Variants in DLG2 observed in about 807,000 individuals in gnomAD.
DLG2 encodes discs large MAGUK scaffold protein 2.
DLG2 carries 45 observed loss-of-function variants against 132.5 expected under a neutral mutation model. The ratio of observed to expected loss-of-function variants is 0.34; its 90% CI spans 0.27 to 0.44. DLG2 has a LOEUF of 0.44. Ranked by LOEUF, DLG2 falls within the 20% of genes least tolerant of loss-of-function variation. The probability of loss-of-function intolerance (pLI) is 1.00; values close to 1 mark genes in which losing one functional copy is unlikely to be tolerated. For missense variants in DLG2, 1,045 were observed against 1,196.9 expected, an observed-to-expected ratio of 0.87 and a Z score of 1.87; for synonymous variants, 424 against 419.6, an observed-to-expected ratio of 1.01 and a Z score of -0.13.
intron 6 of DLG2, among the ~76,000 whole-genome samples, chr11:84,738,700 C>A (rs1056560110): frequency 8.5e-5 from 13 of 152,186 alleles, no homozygotes; most frequent in African/African-American, 2.9e-4. Flanking sequence ...ATGGTCCAAC[C>A]ACTTTGGAAA....
At chr11:84,988,783 G>A (rs2056782397) in intron 6 of DLG2, among the ~76,000 whole-genome samples, 1 of 152,106 alleles carries the variant, frequency 6.6e-6, no homozygotes, top group South Asian at 2.1e-4. Context: ...ATACTTCTCA[G>A]GTGATGGGTG....
chr11:85,535,023 T>C (rs951910566), intron 3 of DLG2, among the ~76,000 whole-genome samples: 1 of 152,232 alleles, frequency 6.6e-6, no homozygotes, highest in African/African-American at 2.4e-5. Context: ...CTTTTTAATA[T>C]AGTCATTCTG....
At chr11:85,092,628 A>G (rs1307891505) in intron 6 of DLG2, among the ~76,000 whole-genome samples, 1 of 149,728 alleles carries the variant, frequency 6.7e-6, no homozygotes, top group Non-Finnish European at 1.5e-5. Flanking sequence ...GTATATATTT[A>G]TTGAGTACAC....
At chr11:83,766,154 C>T (rs1435712634) in intron 18 of DLG2, among the ~76,000 whole-genome samples, 3 of 148,762 alleles carry the variant, frequency 2.0e-5, no homozygotes, top group Non-Finnish European at 3.0e-5. Context: ...AGTGCAGTGA[C>T]GTGATCTCGG....
intron 8 of DLG2, among the ~76,000 whole-genome samples, chr11:84,222,660 C>T (rs528912663): frequency 6.6e-6 from 1 of 152,256 alleles, no homozygotes; most frequent in African/African-American, 2.4e-5. Flanking sequence ...GCCTGAGAAC[C>T]TGAGGCTCAC....
intron 15 of DLG2, among the ~76,000 whole-genome samples, chr11:83,908,140 T>C (rs2075367604): frequency 6.6e-6 from 1 of 152,220 alleles, no homozygotes; most frequent in South Asian, 2.1e-4. Context: ...GTCTAGAGTA[T>C]GTATCCCCTG....
chr11:84,463,251 A>G (rs1364162417), intron 7 of DLG2, among the ~76,000 whole-genome samples: 2 of 151,178 alleles, frequency 1.3e-5, no homozygotes, highest in Non-Finnish European at 3.0e-5. Context: ...TGTTTACTAC[A>G]GTATTCCTCA....
intron 6 of DLG2, among the ~76,000 whole-genome samples, chr11:84,591,261 G>A (rs970469147): frequency 2.0e-5 from 3 of 150,838 alleles, no homozygotes; most frequent in African/African-American, 4.9e-5. Flanking sequence ...GTGTGTGCGC[G>A]TCTTTCTCCA....
At chr11:85,581,947 C>A (rs1413590505) in intron 3 of DLG2, among the ~76,000 whole-genome samples, 1 of 152,094 alleles carries the variant, frequency 6.6e-6, no homozygotes, top group African/African-American at 2.4e-5. Context: ...CCTGGGAGAA[C>A]AAGTGGACTG....
At chr11:85,259,915 G>T (rs1271585198) in intron 4 of DLG2, among the ~76,000 whole-genome samples, 4 of 152,028 alleles carry the variant, frequency 2.6e-5, no homozygotes, top group Non-Finnish European at 5.9e-5. Context: ...ATCTTGTACA[G>T]GTAGGCCATC....
chr11:84,238,162 C>A (rs2097183211), intron 8 of DLG2, among the ~76,000 whole-genome samples: 1 of 151,532 alleles, frequency 6.6e-6, no homozygotes, highest in South Asian at 2.1e-4. Context: ...AGAAAAATAC[C>A]TATAGTTATC....
intron 3 of DLG2, among the ~76,000 whole-genome samples, chr11:85,312,898 C>A (rs929190557): frequency 1.4e-4 from 21 of 151,770 alleles, no homozygotes; most frequent in African/African-American, 4.6e-4. Flanking sequence ...TTAAAACTAC[C>A]CTCAACTTAT....
At chr11:85,244,856 G>C (rs2076058222) in intron 4 of DLG2, among the ~76,000 whole-genome samples, 1 of 151,844 alleles carries the variant, frequency 6.6e-6, no homozygotes, top group South Asian at 2.1e-4. Flanking sequence ...TAGAACTCTT[G>C]CAGGTGATTC....
At chr11:84,402,581 TA>T (rs1054472889) in intron 7 of DLG2, among the ~76,000 whole-genome samples, 89 of 148,120 alleles carry the variant, frequency 6.0e-4, no homozygotes, top group African/African-American at 2.0e-3. Context: ...AGGTTGGCAA[TA>T]AAAAAAAATT....
intron 18 of DLG2, among the ~76,000 whole-genome samples, chr11:83,709,444 C>T (rs1266494599): frequency 6.6e-6 from 1 of 151,520 alleles, no homozygotes; most frequent in African/African-American, 2.4e-5. Flanking sequence ...TTCAGCTCCA[C>T]CTTAGTTTGC....
intron 7 of DLG2, among the ~76,000 whole-genome samples, chr11:84,287,515 A>C (rs1000803618): frequency 6.6e-6 from 1 of 152,114 alleles, no homozygotes; most frequent in Non-Finnish European, 1.5e-5. Flanking sequence ...TTAGGATATT[A>C]AAATGACTTC....
At chr11:84,017,576 T>G (rs1016133056) in intron 11 of DLG2, among the ~76,000 whole-genome samples, 6 of 152,066 alleles carry the variant, frequency 3.9e-5, no homozygotes, top group African/African-American at 1.2e-4. Flanking sequence ...TTTCATTTAT[T>G]TAGCTAGCTC....
At chr11:85,548,941 C>G (rs1302538063) in intron 3 of DLG2, among the ~76,000 whole-genome samples, 1 of 152,104 alleles carries the variant, frequency 6.6e-6, no homozygotes, top group African/African-American at 2.4e-5. Context: ...GGGGGTGGGA[C>G]TGCCAAGCCA....
chr11:83,571,171 C>A (rs2096789734), intron 19 of DLG2, among the ~76,000 whole-genome samples: 1 of 152,104 alleles, frequency 6.6e-6, no homozygotes. Context: ...CGTGAGCCAC[C>A]AAACCTGGCT....
Sources: allele counts gnomAD v4.1 joint callset (sites outside exome capture counted in the v4.1 genomes callset), GRCh38; gene constraint gnomAD v4.1.1; transcripts MANE v1.5; gene names NCBI Gene and HGNC (gene_info 2026-07-23, HGNC 2026-07-21).